The following KIAA1549L variants were observed in gnomAD, a reference collection of about 807,000 sequenced individuals.
The protein encoded by KIAA1549L is KIAA1549 like.
Under a neutral mutation model 160.7 loss-of-function variants are expected in KIAA1549L, and 88 were observed. The observed-to-expected ratio is 0.55, with a 90% confidence interval of 0.46 to 0.65. KIAA1549L has a LOEUF of 0.65. KIAA1549L is among the 30% of genes least tolerant of loss of function. The pLI is 0.00. For synonymous variants in KIAA1549L, 950 were observed against 976.7 expected (o/e 0.97, Z 0.51); for missense variants, 2,258 against 2,437.5 (o/e 0.93, Z 1.55).
rs911097772 is a variant in KIAA1549L at position 33,670,624 on chromosome 11, G to A, written c.*2470G>A. On this transcript the variant is annotated 3_prime_UTR_variant, in exon 21 of 21. Coordinates refer to ENST00000658780, the MANE Select transcript of KIAA1549L (RefSeq NM_012194.3). The stretch of plus-strand genomic sequence containing the variant: ...CAGAGCCACTCTGGTCAGATTTTCT[G>A]TGAGTGAGATGTGGTCCCTTCCCTG... 1 of 152,270 alleles carries A rather than the reference G, an allele frequency of 6.6e-6. No homozygotes were observed. The highest frequency in any genetic ancestry group is 1.5e-5 in the Non-Finnish European group (1 of 68,056). 9.4% of individuals were successfully genotyped at this position (152,270 alleles called of 1,614,324 possible). A position where few individuals can be genotyped will look rare whatever the true frequency, so the allele number is the denominator to read the frequency against.
intron 6 of KIAA1549L, among the ~76,000 whole-genome samples, chr11:33,556,110 A>G (rs1171010141): frequency 2.0e-5 from 3 of 152,196 alleles, no homozygotes; most frequent in Non-Finnish European, 4.4e-5. Context: ...ACCATGAGAT[A>G]CCTATTCACA....
In KIAA1549L at chr11:33,606,820, G is replaced by A. The variant is rs777262586; in HGVS notation, c.5059G>A (p.Glu1687Lys). 3.1e-6 allele frequency: 5 copies of A among 1,600,048 alleles called. No homozygotes were observed. The highest frequency in any genetic ancestry group is 2.3e-5 in the East Asian group (1 of 44,354). The change falls in exon 14 of 21, where the codon GAG becomes AAG. Residue 1687 changes from glutamate to lysine, a missense_variant and splice_region_variant. Physicochemically the swap from Glu to Lys is moderately conservative, Grantham distance 56. Around this residue, in one of 6 missense-constraint regions of KIAA1549L, gnomAD observed 1,359 missense variants for 1,546.6 expected, o/e 0.88. Transcript: ENST00000658780. ...GGAGTCATCGGCAGTCCTCAACGGC[G>A]AGGTAAGTGCCTGGAGACCCAGGGC... is the stretch of plus-strand genomic sequence containing the variant. Reference protein sequence around the residue: ...SQESSAVLNGEVNKALKQKSD... With the variant: ...SQESSAVLNGKVNKALKQKSD...
chr11:33,586,159 T>C (rs2133275389), intron 11 of KIAA1549L, among the ~76,000 whole-genome samples: 1 of 152,218 alleles, frequency 6.6e-6, no homozygotes, highest in East Asian at 1.9e-4. Flanking sequence ...ACAAAAAAGT[T>C]AGCCTTCACC....
At chr11:33,442,146 C>A (rs1346140782) in intron 1 of KIAA1549L, among the ~76,000 whole-genome samples, 2 of 152,178 alleles carry the variant, frequency 1.3e-5, no homozygotes, top group East Asian at 3.9e-4. Flanking sequence ...TATGGCTAGC[C>A]AGTTTTCCCA....
At chr11:33,581,984 G>A (rs2133265057) in intron 10 of KIAA1549L, among the ~76,000 whole-genome samples, 1 of 152,188 alleles carries the variant, frequency 6.6e-6, no homozygotes, top group Middle Eastern at 3.4e-3. Flanking sequence ...CTGATATACT[G>A]TACATTTTTC....
intron 1 of KIAA1549L, among the ~76,000 whole-genome samples, chr11:33,452,667 A>C (rs1590255659): frequency 6.6e-6 from 1 of 152,158 alleles, no homozygotes. Context: ...TTACTTTTGC[A>C]CCAACCTAAT....
chr11:33,630,486 G>A (rs1426782508), intron 16 of KIAA1549L, among the ~76,000 whole-genome samples: 4 of 152,256 alleles, frequency 2.6e-5, no homozygotes, highest in East Asian at 1.9e-4. Flanking sequence ...CTCCTGGTGC[G>A]CCATTTTTTA....
At chr11:33,466,954 C>T (rs1440987584) in intron 1 of KIAA1549L, among the ~76,000 whole-genome samples, 2 of 122,078 alleles carry the variant, frequency 1.6e-5, no homozygotes, top group South Asian at 2.7e-4. Context: ...GAACATCACA[C>T]ACTGGGGCCT....
At chr11:33,404,758 C>T (rs1415638622) in intron 1 of KIAA1549L, among the ~76,000 whole-genome samples, 1 of 151,890 alleles carries the variant, frequency 6.6e-6, no homozygotes, top group Non-Finnish European at 1.5e-5. Context: ...GCCTGTATTC[C>T]CAGCACTTTG....
chr11:33,573,279 A>G (rs756174014), intron 9 of KIAA1549L, among the ~76,000 whole-genome samples: 1 of 152,148 alleles, frequency 6.6e-6, no homozygotes, highest in Non-Finnish European at 1.5e-5. Context: ...GTCTTCTCTG[A>G]TTGTACTCCC....
intron 2 of KIAA1549L, 149 bp downstream of exon 2, chr11:33,544,485 C>A (rs1854165333): frequency 2.3e-6 from 2 of 857,162 alleles, no homozygotes; most frequent in Admixed American, 5.4e-5. Context: ...GTTAGTAGCC[C>A]CAAGTAGTCA....
At position 33,543,230 on chromosome 11, in the gene KIAA1549L, C is replaced by T. The variant is rs1300549482; in HGVS notation, c.1667C>T (p.Thr556Ile). The stretch of plus-strand genomic sequence containing the variant: ...CCTAATCTTCTTTCCACATCTTGGA[C>T]ATTTCCCCGGTGGAAAAAGGACAGT... ...KVPNLLSTSW[T>I]FPRWKKDSVT... is the part of the protein sequence containing the mutation. The change falls in exon 2 of 21, where the codon ACA becomes ATA. Residue 556 changes from threonine (T) to isoleucine (I), a missense_variant. Coordinates refer to ENST00000658780, the MANE Select transcript of KIAA1549L (RefSeq NM_012194.3). 3 of 1,614,076 alleles carry T rather than the reference C, an allele frequency of 1.9e-6. No individual in the cohort carries two copies. Among genetic ancestry groups the T allele is most frequent in the Non-Finnish European group, 2.5e-6 (3 of 1,179,904 alleles).
At chr11:33,529,858 T>A (rs535151508) in intron 1 of KIAA1549L, among the ~76,000 whole-genome samples, 1 of 152,302 alleles carries the variant, frequency 6.6e-6, no homozygotes, top group Admixed American at 6.5e-5. Flanking sequence ...TAAGGAGTTG[T>A]GGGAACAATG....
chr11:33,552,080 G>T, intron 5 of KIAA1549L, 28 bp from the exon 6 acceptor site: 1 of 1,612,932 alleles, frequency 6.2e-7, no homozygotes, highest in South Asian at 1.1e-5. Flanking sequence ...GAGCTTTAGT[G>T]AGCACTGATT....
intron 1 of KIAA1549L, among the ~76,000 whole-genome samples, chr11:33,480,469 G>T (rs77950265): frequency 0.012 from 1,883 of 152,260 alleles, 31 homozygotes; most frequent in African/African-American, 0.043. Flanking sequence ...GAATAATGCC[G>T]CTGTGAACAC....
chr11:33,636,179 C>T (rs982330398), intron 16 of KIAA1549L, among the ~76,000 whole-genome samples: 2 of 151,996 alleles, frequency 1.3e-5, no homozygotes, highest in African/African-American at 4.8e-5. Context: ...TCAGGTAACC[C>T]TTATTTTACT....
chr11:33,492,480 G>A (rs981143987), intron 1 of KIAA1549L, among the ~76,000 whole-genome samples: 2 of 152,168 alleles, frequency 1.3e-5, no homozygotes, highest in African/African-American at 4.8e-5. Context: ...GGGTGTGCGT[G>A]GGATATGGCA....
At chr11:33,657,602 G>C (rs541517009) in intron 18 of KIAA1549L, among the ~76,000 whole-genome samples, 1 of 152,018 alleles carries the variant, frequency 6.6e-6, no homozygotes, top group African/African-American at 2.4e-5. Flanking sequence ...TTTGAGACCA[G>C]CCTGGACAAT....
chr11:33,504,845 C>T (rs1201345151), intron 1 of KIAA1549L, among the ~76,000 whole-genome samples: 1 of 152,184 alleles, frequency 6.6e-6, no homozygotes, highest in East Asian at 1.9e-4. Context: ...TGGCTCACTG[C>T]AGCCTCAACC....
Sources: allele counts gnomAD v4.1 joint callset (sites outside exome capture counted in the v4.1 genomes callset), GRCh38; gene constraint gnomAD v4.1.1; regional missense constraint gnomAD v4.1.1; transcripts MANE v1.5; gene names NCBI Gene and HGNC (gene_info 2026-07-23, HGNC 2026-07-21).